The following RGS7 variants were observed in gnomAD, a reference collection of about 807,000 sequenced individuals.
RGS7 encodes the protein regulator of G protein signaling 7.
In RGS7, 27 loss-of-function variants were observed where a neutral mutation model predicts 81.1. The ratio of observed to expected loss-of-function variants is 0.33; its 90% CI spans 0.25 to 0.46. RGS7 has a LOEUF of 0.46. Ranked by LOEUF, RGS7 falls within the 20% of genes least tolerant of loss-of-function variation. The pLI is 1.00. For synonymous variants in RGS7, 208 were observed against 207.7 expected, an observed-to-expected ratio of 1.00 and a Z score of -0.01; for missense variants, 396 against 607.4, an observed-to-expected ratio of 0.65 and a Z score of 3.66.
chr1:240,868,103 G>GA lies in RGS7; in HGVS notation c.609+483dup, dbSNP rs1323735515. ...GAAAGAAAAAGAAAGAAAAGAAAAA[G>GA]AAAGAAAAGAAAAGGAAAGAAAGAA... is the stretch of plus-strand genomic sequence containing the variant. On this transcript the variant is annotated intron_variant, in intron 9 of 18. Transcript: ENST00000440928. This position sits in a 1 kb window ranked among gnomAD's most constrained non-coding sequence, Gnocchi z 5.1. 1.5e-5 allele frequency among the ~76,000 whole-genome samples: 2 copies of GA among 131,444 alleles called. No individual in the cohort carries two copies. The highest frequency in any genetic ancestry group is 3.2e-5 in the Non-Finnish European group (2 of 61,574). 86.2% of individuals were successfully genotyped at this position (131,444 alleles called of 152,430 possible).
chr1:241,311,003 G>T (rs910134375), intron 2 of RGS7, among the ~76,000 whole-genome samples: 7 of 152,190 alleles, frequency 4.6e-5, no homozygotes, highest in African/African-American at 1.7e-4. Flanking sequence ...GTTCTGACAC[G>T]GACTAATTTT....
chr1:241,047,661 T>C (rs911385573), intron 3 of RGS7, among the ~76,000 whole-genome samples: 4 of 151,624 alleles, frequency 2.6e-5, no homozygotes, highest in African/African-American at 9.7e-5. Flanking sequence ...GTAAACACGA[T>C]ACACTTGAAT....
At chr1:241,309,153 G>A (rs919700184) in intron 2 of RGS7, among the ~76,000 whole-genome samples, 3 of 152,160 alleles carry the variant, frequency 2.0e-5, no homozygotes, top group Admixed American at 6.5e-5. Context: ...TTGGGAGGCC[G>A]AGGTGGGTGG....
At chr1:240,955,703 A>G (rs1021763055) in intron 4 of RGS7, among the ~76,000 whole-genome samples, 2 of 152,232 alleles carry the variant, frequency 1.3e-5, no homozygotes, top group African/African-American at 4.8e-5. Context: ...GAGTCCAGGT[A>G]TAGACCCACA....
At chr1:241,158,959 A>G (rs1214477263) in intron 2 of RGS7, among the ~76,000 whole-genome samples, 4 of 152,168 alleles carry the variant, frequency 2.6e-5, no homozygotes, top group African/African-American at 9.7e-5. Flanking sequence ...CTGTCTCTCC[A>G]TCCATCAATT....
At chr1:240,921,137 G>T (rs1330572275) in intron 6 of RGS7, among the ~76,000 whole-genome samples, 1 of 151,972 alleles carries the variant, frequency 6.6e-6, no homozygotes, top group East Asian at 1.9e-4. Context: ...AGTTACTGTT[G>T]TGACCTGAAG....
intron 9 of RGS7, among the ~76,000 whole-genome samples, chr1:240,845,747 C>G (rs1040443080): frequency 6.6e-6 from 1 of 152,202 alleles, no homozygotes; most frequent in African/African-American, 2.4e-5. Context: ...CGATAGTAAT[C>G]CACATGCATT....
chr1:241,277,655 G>A (rs1443974124), intron 2 of RGS7, among the ~76,000 whole-genome samples: 2 of 150,852 alleles, frequency 1.3e-5, no homozygotes, highest in Non-Finnish European at 2.9e-5. Context: ...CTTTGAACAA[G>A]CCAGGGTGTA....
At chr1:240,777,587 C>A (rs1398980462) in intron 18 of RGS7, among the ~76,000 whole-genome samples, 1 of 152,150 alleles carries the variant, frequency 6.6e-6, no homozygotes, top group African/African-American at 2.4e-5. Context: ...GCTGCTATAA[C>A]AGAAAACGAT....
chr1:241,152,459 C>A (rs901009485), intron 2 of RGS7, among the ~76,000 whole-genome samples: 1 of 152,194 alleles, frequency 6.6e-6, no homozygotes, highest in Non-Finnish European at 1.5e-5. Flanking sequence ...TTGGGAGCTT[C>A]ATCAATAGCA....
chr1:241,120,749 C>A (rs1341244269), intron 2 of RGS7, among the ~76,000 whole-genome samples: 1 of 151,910 alleles, frequency 6.6e-6, no homozygotes, highest in Admixed American at 6.6e-5. Context: ...AAAGCCACGG[C>A]CTCTAGATAG....
At chr1:241,350,556 T>C (rs895527532) in intron 2 of RGS7, among the ~76,000 whole-genome samples, 13 of 152,044 alleles carry the variant, frequency 8.6e-5, no homozygotes, top group African/African-American at 3.1e-4. Context: ...TTGTATATAT[T>C]CCTCACTCTG....
intron 2 of RGS7, among the ~76,000 whole-genome samples, chr1:241,116,184 T>C (rs2065875736): frequency 6.6e-6 from 1 of 152,162 alleles, no homozygotes; most frequent in South Asian, 2.1e-4. Flanking sequence ...CTAATACACC[T>C]ATATTTACAC....
At chr1:241,161,786 C>T (rs1235936527) in intron 2 of RGS7, among the ~76,000 whole-genome samples, 13 of 150,504 alleles carry the variant, frequency 8.6e-5, no homozygotes, top group Middle Eastern at 3.5e-3. Context: ...GGCACCACCT[C>T]GGCTCACTGC....
At chr1:240,833,541 A>G (rs1281635748) in intron 9 of RGS7, among the ~76,000 whole-genome samples, 1 of 152,108 alleles carries the variant, frequency 6.6e-6, no homozygotes, top group Admixed American at 6.6e-5. Context: ...TTTTTGACTT[A>G]CTATATTTTT....
At chr1:241,220,931 A>AAGC (rs2074857750) in intron 2 of RGS7, among the ~76,000 whole-genome samples, 1 of 146,584 alleles carries the variant, frequency 6.8e-6, no homozygotes, top group East Asian at 2.0e-4. Context: ...AGAAAGGAAG[A>AAGC]AAGGAAGGAA....
At chr1:240,947,578 T>C (rs1678849896) in intron 4 of RGS7, among the ~76,000 whole-genome samples, 1 of 152,156 alleles carries the variant, frequency 6.6e-6, no homozygotes, top group African/African-American at 2.4e-5. Flanking sequence ...TTTTGCTGTA[T>C]GTTCTTAGAA....
At chr1:241,130,927 C>CAAAAAAAA (rs11365447) in intron 2 of RGS7, among the ~76,000 whole-genome samples, 118 of 90,160 alleles carry the variant, frequency 1.3e-3, no homozygotes, top group African/African-American at 4.3e-3. Flanking sequence ...GGCTTAATTA[C>CAAAAAAAA]AAAAAAAAAA....
At chr1:240,982,829 G>T (rs113576521) in intron 4 of RGS7, among the ~76,000 whole-genome samples, 1 of 152,062 alleles carries the variant, frequency 6.6e-6, no homozygotes, top group Non-Finnish European at 1.5e-5. Context: ...CCAGTCTAAC[G>T]ATCACCGATG....
Sources: allele counts gnomAD v4.1 joint callset (sites outside exome capture counted in the v4.1 genomes callset), GRCh38; gene constraint gnomAD v4.1.1; non-coding constraint Gnocchi (gnomAD v3.1); transcripts MANE v1.5; gene names NCBI Gene and HGNC (gene_info 2026-07-23, HGNC 2026-07-21).